Variants in MEA1 observed in about 807,000 individuals in gnomAD.
MEA1 encodes the protein Male-enhanced antigen (H-Y structural gene).
Under a neutral mutation model 21.4 loss-of-function variants are expected in MEA1, and 22 were observed. That is an observed-to-expected ratio of 1.03 (90% CI 0.73 to 1.47). MEA1 has a LOEUF of 1.47. MEA1 is among the 40% of genes most tolerant of loss of function. The pLI, the probability that MEA1 is intolerant of heterozygous loss-of-function variation, is 0.00. For synonymous variants in MEA1, 91 were observed against 85.5 expected, an observed-to-expected ratio of 1.06 and a Z score of -0.35; for missense variants, 233 against 230.5, an observed-to-expected ratio of 1.01 and a Z score of -0.07.
chr6:43,013,820 C>T lies in MEA1; in HGVS notation c.-7G>A. 6.2e-7 allele frequency: 1 copy of T among 1,606,182 alleles called. No homozygotes were observed. The highest frequency in any genetic ancestry group is 8.5e-7 in the Non-Finnish European group (1 of 1,177,260). ...GATGCCTTTCAGGCCCCATGGGCTC[C>T]CCTCAAATGGCCCCAGCTGCAGCGT... On this transcript the variant is annotated 5_prime_UTR_variant, in exon 1 of 4. Coordinates refer to ENST00000244711, the MANE Select transcript of MEA1 (RefSeq NM_014623.4).
rs748788574 is a variant in MEA1, at chr6:43,011,237, C to A, written c.*1233G>T. 3 of 1,614,084 alleles carry A rather than the reference C, an allele frequency of 1.9e-6. 1 individual carries two copies. The East Asian group carries it at 6.7e-5, about 36-fold the overall frequency. ...GTGTACACCATCAAGGCACTGGAGGCGCACAAGCGGGCGGAAGAGTTCCTA... is the reference window on the plus strand; with the variant it reads ...GTGTACACCATCAAGGCACTGGAGGAGCACAAGCGGGCGGAAGAGTTCCTA... On this transcript the variant is annotated 3_prime_UTR_variant, in exon 4 of 4. Coordinates refer to ENST00000244711, the MANE Select transcript of MEA1 (RefSeq NM_014623.4).
Position 43,013,374 on chromosome 6 carries a change from G to A in MEA1, c.44C>T (p.Ala15Val), listed in dbSNP as rs1347445193. Residue 15 changes from alanine to valine, a missense_variant, in exon 2 of 4, where the codon GCA (alanine) becomes GTA (valine). Coordinates refer to ENST00000244711, the MANE Select transcript of MEA1 (RefSeq NM_014623.4). ...GGTGTCTCCTCCTAGAACTACTGTT[G>A]CCATCCGGGCAGGGGCTGCAAGAAC... ...RHLSGAPARM[A>V]TVVLGGDTMG... The A allele has an allele frequency of 1.9e-6, 3 of 1,613,218 alleles. No homozygotes were observed. Among genetic ancestry groups the A allele is most frequent in the Non-Finnish European group, 2.5e-6 (3 of 1,179,794 alleles).
rs200343725 is a variant in MEA1, at chr6:43,013,158, A to G, written c.260T>C (p.Val87Ala). The G allele has an allele frequency of 1.2e-4, 187 of 1,613,892 alleles. No individual in the cohort carries two copies. The highest frequency in any genetic ancestry group is 5.3e-4 in the South Asian group (48 of 91,072). The part of the protein sequence containing the change: ...PEQEEVELAP[V>A]GDGDVVADIQ... ...GTCAGCAACTACATCTCCATCCCCCACTGGTGCCAGTTCCACCTCCTCTTG... is the reference window on the plus strand; with the variant it reads ...GTCAGCAACTACATCTCCATCCCCCGCTGGTGCCAGTTCCACCTCCTCTTG... Residue 87 changes from valine (V) to alanine (A), a missense_variant, in exon 2 of 4, where the codon GTG becomes GCG. Coordinates refer to ENST00000244711, the MANE Select transcript of MEA1 (RefSeq NM_014623.4).
In MEA1 at chr6:43,011,621, A is replaced by G. The variant is rs1357387774; in HGVS notation, c.*849T>C. On this transcript the variant is annotated 3_prime_UTR_variant, in exon 4 of 4. Coordinates refer to ENST00000244711, the MANE Select transcript of MEA1 (RefSeq NM_014623.4). ...CACACAGGAATACATACGCTCCTCTATTCTTCCCTTCATCCTCATTTGAAC... is the reference window on the plus strand; with the variant it reads ...CACACAGGAATACATACGCTCCTCTGTTCTTCCCTTCATCCTCATTTGAAC... 9.3e-6 allele frequency: 3 copies of G among 321,658 alleles called. No homozygotes were observed. The highest frequency in any genetic ancestry group is 1.7e-5 in the Non-Finnish European group (3 of 171,684). The allele number at this position is 321,658 out of a possible 1,614,324, so 19.9% of individuals were successfully genotyped here.
At position 43,013,771 on chromosome 6, in the gene MEA1, G is replaced by A; in HGVS notation, c.28+15C>T. 6.3e-7 allele frequency: 1 copy of A among 1,595,280 alleles called. No homozygotes were observed. Among genetic ancestry groups the A allele is most frequent in the African/African-American group, 1.4e-5 (1 of 73,956 alleles). ...CCGCCCCCTTCTCCCCTCTCCTAGA[G>A]GACCCCCTCTGTACCGCCTGACAGA... On this transcript the variant is annotated intron_variant, in intron 1 of 3. Transcript: ENST00000244711.
chr6:43,013,246 G>A lies in MEA1; in HGVS notation c.172C>T (p.Gln58Ter), dbSNP rs778667067. 1 of 1,614,114 alleles carries A rather than the reference G, an allele frequency of 6.2e-7. No individual in the cohort carries two copies. The highest frequency in any genetic ancestry group is 1.7e-5 in the Admixed American group (1 of 60,008). Reference sequence around the variant, plus strand: ...GCTGGGCCCGACCCCGTTTCCTCCTGCTCTTCCTCAGGCTCCTCACTGCTC... The same window carrying A: ...GCTGGGCCCGACCCCGTTTCCTCCTACTCTTCCTCAGGCTCCTCACTGCTC... ...DWSSEEPEEEQEETGSGPAGY... is the reference protein window; with the variant it reads ...DWSSEEPEEE The change falls in exon 2 of 4, where the codon CAG (glutamine) becomes TAG (stop). Residue 58 changes from glutamine to a stop codon, truncating the protein, a stop_gained. Coordinates refer to ENST00000244711, the MANE Select transcript of MEA1 (RefSeq NM_014623.4). LOFTEE classifies it high-confidence loss of function.
chr6:43,012,367 G>A lies in MEA1; in HGVS notation c.*103C>T, dbSNP rs775342351. ...AGTCTGATGTGCCTTGATGTGGAAA[G>A]GGAGACGGGGAAGATGGAAATGGAC... On this transcript the variant is annotated 3_prime_UTR_variant, in exon 4 of 4. Transcript: ENST00000244711. The A allele has an allele frequency of 8.9e-5, 133 of 1,490,372 alleles. No individual in the cohort carries two copies. Among genetic ancestry groups the A allele is most frequent in the Non-Finnish European group, 4.7e-5 (53 of 1,119,262 alleles). 92.3% of individuals were successfully genotyped at this position (1,490,372 alleles called of 1,614,324 possible). A position where few individuals can be genotyped will look rare whatever the true frequency, so the allele number is the denominator to read the frequency against.
chr6:43,015,545 G>C (rs1387270602), upstream of MEA1, among the ~76,000 whole-genome samples: 1 of 152,154 alleles, frequency 6.6e-6, no homozygotes, highest in African/African-American at 2.4e-5. Flanking sequence ...AGGTTGACAG[G>C]TTGTGTTTAA....
upstream of MEA1, chr6:43,014,659 C>T: frequency 4.4e-6 from 2 of 455,710 alleles, no homozygotes; most frequent in Non-Finnish European, 8.8e-6. Context: ...TAGGGGAGGC[C>T]GGAATGTCTG....
chr6:43,014,883 A>G (rs1006854541), upstream of MEA1, among the ~76,000 whole-genome samples: 3 of 152,202 alleles, frequency 2.0e-5, no homozygotes, highest in Admixed American at 2.0e-4. Context: ...GCGGGTAGAT[A>G]CATTAAGGGA....
Position 43,013,020 on chromosome 6 carries a change from C to G in MEA1, c.312G>C (p.Gly104=). Residue 104 remains glycine, a synonymous_variant, in exon 3 of 4, where the codon GGG becomes GGC. Coordinates refer to ENST00000244711, the MANE Select transcript of MEA1 (RefSeq NM_014623.4). ...ADIQDRIQAL[G]LHLPDPPLES... is the part of the protein sequence containing the mutation. ...CTAATGGTGGGTCTGGCAAATGAAG[C>G]CCCAGGGCCTGCAGAGCCACAGAAG... The G allele has an allele frequency of 1.9e-6, 3 of 1,614,176 alleles. No homozygotes were observed. Among genetic ancestry groups the G allele is most frequent in the Non-Finnish European group, 2.5e-6 (3 of 1,180,018 alleles).
At chr6:43,013,546 TC>T (rs1762456176) in intron 1 of MEA1, 157 bp from the exon 2 acceptor site, 3 of 874,374 alleles carry the variant, frequency 3.4e-6, no homozygotes, top group South Asian at 3.6e-5. Context: ...AGCCTCTCGT[TC>T]CTCCCCCTCC....
chr6:43,012,477 C>T lies in MEA1; in HGVS notation c.551G>A (p.Trp184Ter). The T allele has an allele frequency of 6.3e-7, 1 of 1,598,460 alleles. No homozygotes were observed. Among genetic ancestry groups the T allele is most frequent in the Non-Finnish European group, 8.5e-7 (1 of 1,174,294 alleles). Residue 184 changes from tryptophan (W) to a stop codon, truncating the protein, a stop_gained, in exon 4 of 4, where the codon TGG becomes TAG. Coordinates refer to ENST00000244711, the MANE Select transcript of MEA1 (RefSeq NM_014623.4). LOFTEE classifies it high-confidence loss of function. ...ALQARQASPA[W>*]K is the part of the protein sequence containing the mutation. ...AGGCAGCTCTCACTGTGGTCACTTC[C>T]AGGCAGGGGATGCCTGCCGGGCTTG...
Position 43,012,495 on chromosome 6 carries a change from C to T in MEA1, c.533G>A (p.Arg178Gln), listed in dbSNP as rs754577473. The change falls in exon 4 of 4, where the codon CGG becomes CAG. Residue 178 changes from arginine (R) to glutamine (Q), a missense_variant. Arg to Gln is a conservative substitution (Grantham distance 43, BLOSUM62 1). Transcript: ENST00000244711. ...TCACTTCCAGGCAGGGGATGCCTGC[C>T]GGGCTTGGAGGGCTTTCTGTACCAC... Reference protein sequence around the residue: ...EDVVQKALQARQASPAWK With the variant: ...EDVVQKALQAQQASPAWK 5.0e-6 allele frequency: 8 copies of T among 1,602,472 alleles called. No individual in the cohort carries two copies. Among genetic ancestry groups the T allele is most frequent in the African/African-American group, 2.7e-5 (2 of 73,874 alleles).
upstream of MEA1, chr6:43,014,715 C>T: frequency 2.3e-6 from 1 of 432,518 alleles, no homozygotes; most frequent in Non-Finnish European, 4.7e-6. Context: ...GTATCGTGGT[C>T]AGTGCATGCT....
At chr6:43,016,072 A>G (rs1456661330), upstream of MEA1, among the ~76,000 whole-genome samples, 1 of 151,574 alleles carries the variant, frequency 6.6e-6, no homozygotes, top group East Asian at 2.0e-4. Context: ...AGTAGCTGGG[A>G]CTACAGGTGC....
chr6:43,015,255 C>T (rs988267084), upstream of MEA1, among the ~76,000 whole-genome samples: 6 of 152,154 alleles, frequency 3.9e-5, no homozygotes, highest in Admixed American at 3.9e-4. Context: ...AGGATGGGTC[C>T]CATGGCTATT....
Position 43,013,385 on chromosome 6 carries a change from A to G in MEA1, c.33T>C (p.Pro11=). Residue 11 remains proline, a synonymous_variant, in exon 2 of 4, where the codon CCT becomes CCC. Coordinates refer to ENST00000244711, the MANE Select transcript of MEA1 (RefSeq NM_014623.4). ...CTAGAACTACTGTTGCCATCCGGGCAGGGGCTGCAAGAACAGGGAGGCGGT... is the reference window on the plus strand; with the variant it reads ...CTAGAACTACTGTTGCCATCCGGGCGGGGGCTGCAAGAACAGGGAGGCGGT... The part of the protein sequence containing the change: MGPERHLSGA[P]ARMATVVLGG... 1.2e-6 allele frequency: 2 copies of G among 1,612,376 alleles called. No homozygotes were observed. Among genetic ancestry groups the G allele is most frequent in the Non-Finnish European group, 1.7e-6 (2 of 1,179,364 alleles).
At chr6:43,014,647 G>A (rs1389218427), upstream of MEA1, 5 of 456,402 alleles carry the variant, frequency 1.1e-5, no homozygotes, top group African/African-American at 6.0e-5. Flanking sequence ...GGCGTGGTGG[G>A]CTAGGGGAGG....
Sources: allele counts gnomAD v4.1 joint callset (sites outside exome capture counted in the v4.1 genomes callset), GRCh38; gene constraint gnomAD v4.1.1; transcripts MANE v1.5; gene names NCBI Gene and HGNC (gene_info 2026-07-23, HGNC 2026-07-21).